Variants in STPG4 observed in about 807,000 individuals in gnomAD.
STPG4 encodes the protein protein STPG4.
A neutral mutation model predicts 31.5 loss-of-function variants in STPG4; 41 were observed. That is an observed-to-expected ratio of 1.30 (90% CI 1.01 to 1.69). STPG4 has a LOEUF of 1.69. Ranked by LOEUF, STPG4 falls within the 40% of genes most tolerant of loss-of-function variation. The pLI is 0.00. For synonymous variants in STPG4, 141 were observed against 103.0 expected, an observed-to-expected ratio of 1.37 and a Z score of -2.24; for missense variants, 375 against 293.4, an observed-to-expected ratio of 1.28 and a Z score of -2.03.
At chr2:47,124,623 G>C (rs1017277886) in intron 5 of STPG4, among the ~76,000 whole-genome samples, 2 of 152,180 alleles carry the variant, frequency 1.3e-5, no homozygotes, top group Non-Finnish European at 2.9e-5. Flanking sequence ...TCTTATGGCT[G>C]TGTAGTACTT....
chr2:47,115,751 C>T (rs1686140262), intron 5 of STPG4, among the ~76,000 whole-genome samples: 1 of 145,238 alleles, frequency 6.9e-6, no homozygotes. Context: ...CTCCTGGGTT[C>T]AAGCGATTCT....
intron 5 of STPG4, among the ~76,000 whole-genome samples, chr2:47,126,898 A>G (rs939241440): frequency 6.6e-6 from 1 of 151,828 alleles, no homozygotes; most frequent in South Asian, 2.1e-4. Context: ...TTGGTGCTCC[A>G]TTGTATGTTA....
chr2:47,120,483 C>A (rs1467634805), intron 5 of STPG4, among the ~76,000 whole-genome samples: 3 of 152,024 alleles, frequency 2.0e-5, no homozygotes, highest in Non-Finnish European at 2.9e-5. Context: ...AGGAGAATGG[C>A]GTGAACCTGG....
At chr2:47,130,323 G>A (rs1686452050) in intron 3 of STPG4, 63 bp from the exon 4 acceptor site, 2 of 1,251,902 alleles carry the variant, frequency 1.6e-6, no homozygotes, top group East Asian at 4.6e-5. Flanking sequence ...TTCGTTATCT[G>A]TCATTCGTAA....
At chr2:47,136,645 CA>C (rs1686604007) in intron 3 of STPG4, among the ~76,000 whole-genome samples, 1 of 152,250 alleles carries the variant, frequency 6.6e-6, no homozygotes, top group Non-Finnish European at 1.5e-5. Context: ...TGAGTTTTGA[CA>C]CACGTAGTTT....
rs759746308 is a variant in STPG4 at position 47,090,393 on chromosome 2, A to C, written c.520-19T>G. ...CTTCATGCTATTGAACATTTAAAAA[A>C]TTGCTTCATTATTATTGTACATTTG... is the stretch of plus-strand genomic sequence containing the variant. On this transcript the variant is annotated intron_variant, in intron 5 of 6. Coordinates refer to ENST00000445927, the MANE Select transcript of STPG4 (RefSeq NM_001163561.2). 6.8e-7 allele frequency: 1 copy of C among 1,471,556 alleles called. No individual in the cohort carries two copies. The highest frequency in any genetic ancestry group is 1.2e-5 in the South Asian group (1 of 81,426). 91.2% of individuals were successfully genotyped at this position (1,471,556 alleles called of 1,614,324 possible).
At chr2:47,135,506 C>T (rs1374037179) in intron 3 of STPG4, among the ~76,000 whole-genome samples, 1 of 152,154 alleles carries the variant, frequency 6.6e-6, no homozygotes, top group African/African-American at 2.4e-5. Context: ...CCTGCTTCAG[C>T]CTCCCAAGTA....
At chr2:47,121,847 C>CGTGT (rs10538224) in intron 5 of STPG4, among the ~76,000 whole-genome samples, 5,011 of 144,232 alleles carry the variant, frequency 0.035, 215 homozygotes, top group African/African-American at 0.1. Flanking sequence ...GCCCTCTCCT[C>CGTGT]GTGTGTGTGT....
intron 5 of STPG4, among the ~76,000 whole-genome samples, chr2:47,110,839 G>T (rs1686019084): frequency 6.6e-6 from 1 of 152,044 alleles, no homozygotes; most frequent in African/African-American, 2.4e-5. Context: ...CCCAATCATT[G>T]TTTAAAATGG....
chr2:47,089,611 T>C (rs982918249), intron 6 of STPG4, among the ~76,000 whole-genome samples: 2 of 151,928 alleles, frequency 1.3e-5, no homozygotes, highest in African/African-American at 2.4e-5. Flanking sequence ...TATTGCAGAC[T>C]GAAAGCAACA....
chr2:47,087,141 A>G lies in STPG4; in HGVS notation c.625-11T>C, dbSNP rs1056997376. ...TGGGCCTGGGGTTTTCTGAAAACAG[A>G]GCAGAAAACAGGGACTGATGAGACA... On this transcript the variant is annotated splice_polypyrimidine_tract_variant and intron_variant, in intron 6 of 6. Coordinates refer to ENST00000445927, the MANE Select transcript of STPG4 (RefSeq NM_001163561.2). 5.2e-6 allele frequency: 8 copies of G among 1,551,394 alleles called. No individual in the cohort carries two copies. The Admixed American group carries it at 1.6e-4, about 30-fold the overall frequency.
Position 47,151,419 on chromosome 2 carries a change from T to C in STPG4, c.238A>G (p.Arg80Gly), listed in dbSNP as rs765294505. The C allele has an allele frequency of 6.2e-7, 1 of 1,614,220 alleles. No individual in the cohort carries two copies. The highest frequency in any genetic ancestry group is 1.1e-5 in the South Asian group (1 of 91,090). ...IATYNFKNEG[R>G]KKPPLVQRNN... ...CTTTGCACAAGAGGTGGCTTTTTCC[T>C]TCCTTCGTTTTTAAAATTGTAGGTT... The change falls in exon 3 of 7, where the codon AGG (arginine) becomes GGG (glycine). Residue 80 changes from arginine (R) to glycine (G), a missense_variant. Physicochemically the swap from Arg to Gly is moderately radical, Grantham distance 125. Transcript: ENST00000445927.
At chr2:47,141,588 C>T (rs1166196560) in intron 3 of STPG4, among the ~76,000 whole-genome samples, 2 of 151,884 alleles carry the variant, frequency 1.3e-5, no homozygotes, top group African/African-American at 4.8e-5. Context: ...CTAAATAAGC[C>T]GCTTGACTAA....
intron 5 of STPG4, among the ~76,000 whole-genome samples, chr2:47,097,643 C>A (rs1357569282): frequency 1.3e-5 from 2 of 152,112 alleles, no homozygotes; most frequent in Non-Finnish European, 2.9e-5. Flanking sequence ...GAGGAAGGGG[C>A]CCTCATCAGA....
At chr2:47,098,574 C>T (rs1685724700) in intron 5 of STPG4, among the ~76,000 whole-genome samples, 1 of 152,058 alleles carries the variant, frequency 6.6e-6, no homozygotes, top group Non-Finnish European at 1.5e-5. Context: ...TTTATCTTAG[C>T]ACAAACAGCT....
chr2:47,092,365 A>G (rs1410852536), intron 5 of STPG4, among the ~76,000 whole-genome samples: 1 of 148,652 alleles, frequency 6.7e-6, no homozygotes, highest in Non-Finnish European at 1.5e-5. Flanking sequence ...CCTTGTCTCT[A>G]AAAAATATAA....
intron 5 of STPG4, among the ~76,000 whole-genome samples, chr2:47,119,308 A>T (rs949899185): frequency 2.0e-5 from 3 of 152,252 alleles, no homozygotes; most frequent in Non-Finnish European, 4.4e-5. Flanking sequence ...GATGTTCCAA[A>T]TCAGTGAATC....
chr2:47,130,146 G>A (rs376916569), intron 4 of STPG4, 50 bp downstream of exon 4: 10 of 1,533,962 alleles, frequency 6.5e-6, no homozygotes, highest in East Asian at 2.2e-5. Context: ...GAGTATTGGC[G>A]TGTAGGTATG....
At chr2:47,107,841 A>G (rs983285244) in intron 5 of STPG4, among the ~76,000 whole-genome samples, 1 of 152,010 alleles carries the variant, frequency 6.6e-6, no homozygotes, top group Non-Finnish European at 1.5e-5. Context: ...AAACACACCA[A>G]TTAGCACCCT....
Sources: allele counts gnomAD v4.1 joint callset (sites outside exome capture counted in the v4.1 genomes callset), GRCh38; gene constraint gnomAD v4.1.1; transcripts MANE v1.5; gene names NCBI Gene and HGNC (gene_info 2026-07-23, HGNC 2026-07-21).